Variants in PARP1 observed in about 807,000 individuals in gnomAD.
PARP1 encodes the protein poly [ADP-ribose] polymerase 1.
In PARP1, 44 loss-of-function variants were observed where a neutral mutation model predicts 118.7. That is an observed-to-expected ratio of 0.37 (90% CI 0.29 to 0.48). The LOEUF (loss-of-function observed/expected upper bound fraction) is 0.48, where lower values mean the gene tolerates loss of function less well. Among genes scored for constraint, PARP1 ranks in the 20% least tolerant of loss-of-function variants. The pLI is 0.99. For synonymous variants in PARP1, 492 were observed against 483.2 expected, an observed-to-expected ratio of 1.02 and a Z score of -0.24; for missense variants, 1,100 against 1,272.4, an observed-to-expected ratio of 0.86 and a Z score of 2.06.
Position 226,408,043 on chromosome 1 carries a change from G to T in PARP1, c.-114C>A. ...AGCCGCAGGCGCCTGAGCGGCCAGA[G>T]CCGCCACCGAACACGCCGCACCGGC... is the stretch of plus-strand genomic sequence containing the variant. On this transcript the variant is annotated 5_prime_UTR_variant, in exon 1 of 23. Transcript: ENST00000366794. 2.0e-6 allele frequency: 3 copies of T among 1,491,496 alleles called. No individual in the cohort carries two copies. The highest frequency in any genetic ancestry group is 2.7e-6 in the Non-Finnish European group (3 of 1,090,984). The allele number at this position is 1,491,496 out of a possible 1,614,324, so 92.4% of individuals were successfully genotyped here.
At chr1:226,407,374 C>CAAA (rs1276451078) in intron 1 of PARP1, among the ~76,000 whole-genome samples, 16 of 124,116 alleles carry the variant, frequency 1.3e-4, no homozygotes, top group East Asian at 1.1e-3. Flanking sequence ...ATAGGTTTAA[C>CAAA]AAAAAAAAAA....
chr1:226,382,856 C>T (rs1009862373), intron 8 of PARP1, among the ~76,000 whole-genome samples, 180 bp downstream of exon 8: 2 of 152,220 alleles, frequency 1.3e-5, no homozygotes, highest in African/African-American at 4.8e-5. Context: ...TTGCTGTGGT[C>T]AGGGGTGTAA....
intron 2 of PARP1, among the ~76,000 whole-genome samples, chr1:226,399,744 T>G (rs905772816): frequency 4.6e-5 from 7 of 152,238 alleles, no homozygotes; most frequent in Admixed American, 1.3e-4. Context: ...TGTGTCAATG[T>G]AGCTCATCAG....
intron 19 of PARP1, chr1:226,364,403 C>T (rs370784981): frequency 2.8e-5 from 10 of 358,374 alleles, no homozygotes; most frequent in African/African-American, 1.9e-4. Context: ...CGCCTGTCAA[C>T]ACCCAAGGAA....
intron 1 of PARP1, among the ~76,000 whole-genome samples, chr1:226,407,328 G>A (rs1372303978): frequency 2.0e-5 from 3 of 150,226 alleles, no homozygotes; most frequent in Non-Finnish European, 4.4e-5. Context: ...AAATGAGAGT[G>A]AGCGTTTAAA....
chr1:226,405,354 A>T (rs1665126433), intron 1 of PARP1, among the ~76,000 whole-genome samples: 1 of 151,818 alleles, frequency 6.6e-6, no homozygotes, highest in Admixed American at 6.6e-5. Context: ...CCCAGGCTGG[A>T]GTGCAGTGGC....
At chr1:226,404,555 G>A (rs1198606903) in intron 1 of PARP1, among the ~76,000 whole-genome samples, 2 of 152,140 alleles carry the variant, frequency 1.3e-5, no homozygotes, top group Non-Finnish European at 2.9e-5. Flanking sequence ...CCAACCACCG[G>A]CACAGTGCTG....
chr1:226,373,644 A>C (rs1486542088), intron 14 of PARP1, among the ~76,000 whole-genome samples: 2 of 151,854 alleles, frequency 1.3e-5, no homozygotes, highest in Non-Finnish European at 2.9e-5. Context: ...CCCCCACCCC[A>C]CTGCCAACCT....
At chr1:226,383,271 CAAAT>C in intron 7 of PARP1, 88 bp from the exon 8 acceptor site, 2 of 993,502 alleles carry the variant, frequency 2.0e-6, no homozygotes, top group Non-Finnish European at 3.1e-6. Flanking sequence ...TTGTCCAAAT[CAAAT>C]AATCTCTTTT....
chr1:226,389,780 C>G (rs994076498), intron 4 of PARP1, among the ~76,000 whole-genome samples: 2 of 152,160 alleles, frequency 1.3e-5, no homozygotes, highest in African/African-American at 4.8e-5. Context: ...GAGCAGGGTG[C>G]ATACCAGGCT....
In PARP1 at chr1:226,364,954, A is replaced by G; in HGVS notation, c.2658+48T>C. ...CTTGCTCAAAGTTCTTTATGGAGAC[A>G]CCTGCAGAGACAGGCATTGCCCACC... On this transcript the variant is annotated intron_variant, in intron 19 of 22. Transcript: ENST00000366794. The G allele has an allele frequency of 3.1e-6, 5 of 1,606,426 alleles. No homozygotes were observed. The South Asian group carries it at 3.3e-5, about 11-fold the overall frequency.
At chr1:226,379,795 C>G in intron 10 of PARP1, 127 bp downstream of exon 10, 3 of 1,489,966 alleles carry the variant, frequency 2.0e-6, no homozygotes, top group South Asian at 2.3e-5. Context: ...GCCTGCCATT[C>G]TGTGTCCTGC....
chr1:226,392,144 A>G lies in PARP1; in HGVS notation c.402+55T>C. The G allele has an allele frequency of 3.5e-6, 4 of 1,152,296 alleles. No individual in the cohort carries two copies. The South Asian group carries it at 3.7e-5, about 11-fold the overall frequency. 71.4% of individuals were successfully genotyped at this position (1,152,296 alleles called of 1,614,324 possible). A position where few individuals can be genotyped will look rare whatever the true frequency, so the allele number is the denominator to read the frequency against. On this transcript the variant is annotated intron_variant, in intron 3 of 22. Coordinates refer to ENST00000366794, the MANE Select transcript of PARP1 (RefSeq NM_001618.4). ...CTTCTTTTCTCTTGAGATAGCCAATAACATCATTGCAAGCAATCCATAAAG... is the reference window on the plus strand; with the variant it reads ...CTTCTTTTCTCTTGAGATAGCCAATGACATCATTGCAAGCAATCCATAAAG...
chr1:226,366,128 C>A, intron 17 of PARP1, 76 bp from the exon 18 acceptor site: 1 of 943,388 alleles, frequency 1.1e-6, no homozygotes, highest in South Asian at 1.3e-5. Flanking sequence ...CAGGCTCAGT[C>A]AATGCATAGC....
At position 226,361,072 on chromosome 1, in the gene PARP1, G is replaced by C. The variant is rs1664125143; in HGVS notation, c.*388C>G. ...ACATCTTTCCAAAATCAAAACTAAA[G>C]ACGAACACTTAGAAAAAAGGGTGGA... On this transcript the variant is annotated 3_prime_UTR_variant, in exon 23 of 23. Transcript: ENST00000366794. 1 of 259,566 alleles carries C rather than the reference G, an allele frequency of 3.9e-6. No homozygotes were observed. Among genetic ancestry groups the C allele is most frequent in the Admixed American group, 4.9e-5 (1 of 20,514 alleles). 16.1% of individuals were successfully genotyped at this position (259,566 alleles called of 1,614,324 possible).
At chr1:226,373,751 A>G (rs1664439591) in intron 14 of PARP1, among the ~76,000 whole-genome samples, 1 of 152,150 alleles carries the variant, frequency 6.6e-6, no homozygotes. Context: ...TGGTAACTCC[A>G]GTTGGTTGGT....
intron 18 of PARP1, among the ~76,000 whole-genome samples, chr1:226,365,480 C>G (rs1010674576): frequency 6.6e-6 from 1 of 152,180 alleles, no homozygotes; most frequent in South Asian, 2.1e-4. Context: ...AAAGCCATCC[C>G]CAAACTACTG....
rs577871783 is a variant in PARP1 at position 226,372,994 on chromosome 1, G to A, written c.2070+1232C>T. On this transcript the variant is annotated intron_variant, in intron 14 of 22. Transcript: ENST00000366794. Reference sequence around the variant, plus strand: ...CAACAAGCACAGCGAACAAGCCCTGGCCATTTTTTAAACCCGTTAGAGGAT... The same window carrying A: ...CAACAAGCACAGCGAACAAGCCCTGACCATTTTTTAAACCCGTTAGAGGAT... 2.8e-4 allele frequency among the ~76,000 whole-genome samples: 42 copies of A among 152,252 alleles called. 1 individual carries two copies. The South Asian group carries it at 8.1e-3, about 29-fold the overall frequency.
At position 226,377,275 on chromosome 1, in the gene PARP1, C is replaced by G. The variant is rs759762567; in HGVS notation, c.1774G>C (p.Val592Leu). 3 of 1,614,128 alleles carry G rather than the reference C, an allele frequency of 1.9e-6. No homozygotes were observed. Among genetic ancestry groups the G allele is most frequent in the Non-Finnish European group, 2.5e-6 (3 of 1,179,980 alleles). ...TTGTTGCTACCGATCACCGTACCCA[C>G]ACGGCCCCAGGACCTGAATATCCAA... ...RYWIFRSWGR[V>L]GTVIGSNKLE... is the part of the protein sequence containing the mutation. The change falls in exon 13 of 23, where the codon GTG (valine) becomes CTG (leucine). Residue 592 changes from valine (V) to leucine (L), a missense_variant. Val to Leu is a conservative substitution (Grantham distance 32). Around this residue, in one of 2 missense-constraint regions of PARP1, gnomAD observed 948 missense variants for 1,031.8 expected, o/e 0.92. Coordinates refer to ENST00000366794, the MANE Select transcript of PARP1 (RefSeq NM_001618.4).
Sources: gnomAD v4.1 joint callset for allele counts (sites outside exome capture counted in the v4.1 genomes callset) on GRCh38, gnomAD v4.1.1 for gene constraint, gnomAD v4.1.1 regional missense constraint, MANE v1.5 for transcripts, NCBI Gene and HGNC (gene_info 2026-07-23, HGNC 2026-07-21) for gene names.